Variants in KANK1 observed in about 807,000 individuals in gnomAD.
KANK1 encodes the protein KN motif and ankyrin repeat domain-containing protein 1.
KANK1 carries 109 observed loss-of-function variants against 106.2 expected under a neutral mutation model. The observed-to-expected ratio is 1.03, with a 90% CI of 0.88 to 1.20. KANK1 has a LOEUF of 1.20. KANK1 is among the 50% of genes most tolerant of loss of function. The probability of loss-of-function intolerance (pLI) is 0.00; values close to 1 mark genes in which losing one functional copy is unlikely to be tolerated. For missense variants in KANK1, 2,399 were observed against 1,710.7 expected, an observed-to-expected ratio of 1.40 and a Z score of -7.10; for synonymous variants, 873 against 652.2, an observed-to-expected ratio of 1.34 and a Z score of -5.16.
At chr9:535,593 C>T (rs1477000915) in intron 1 of KANK1, among the ~76,000 whole-genome samples, 3 of 152,172 alleles carry the variant, frequency 2.0e-5, no homozygotes, top group East Asian at 3.9e-4. Flanking sequence ...TTACTCTCAG[C>T]GTGAGATGAA....
chr9:738,562 C>T, intron 8 of KANK1, 58 bp downstream of exon 8: 1 of 1,363,564 alleles, frequency 7.3e-7, no homozygotes, highest in Non-Finnish European at 1.0e-6. Flanking sequence ...TGTGACTCAT[C>T]TCAGAGAACC....
intron 1 of KANK1, among the ~76,000 whole-genome samples, chr9:598,867 G>C (rs1293897006): frequency 6.7e-6 from 1 of 149,828 alleles, no homozygotes; most frequent in East Asian, 1.9e-4. Context: ...CCTGACCTCA[G>C]GTGATCCGCC....
chr9:640,023 G>A (rs1290098264), intron 1 of KANK1, among the ~76,000 whole-genome samples: 1 of 152,122 alleles, frequency 6.6e-6, no homozygotes, highest in East Asian at 1.9e-4. Context: ...TGTAAATCTT[G>A]GGAGACACAA....
intron 1 of KANK1, among the ~76,000 whole-genome samples, chr9:617,474 T>C (rs542115916): frequency 6.6e-6 from 1 of 152,334 alleles, no homozygotes; most frequent in African/African-American, 2.4e-5. Context: ...GTAGTTACTT[T>C]TGCTGTCTGG....
At position 712,683 on chromosome 9, in the gene KANK1, C is replaced by G. The variant is rs1158040055; in HGVS notation, c.1917C>G (p.Val639=). 1.2e-6 allele frequency: 2 copies of G among 1,614,178 alleles called. No homozygotes were observed. Among genetic ancestry groups the G allele is most frequent in the Non-Finnish European group, 1.7e-6 (2 of 1,180,028 alleles). ...GAGATTGTTCTGTTGACGTGACCGT[C>G]TGCTCTCCAAAGGAGTGCGCCTCCC... ...GCGDCSVDVT[V]CSPKECASRG... The change falls in exon 3 of 12, where the codon GTC becomes GTG. Residue 639 remains valine, a synonymous_variant. Coordinates refer to ENST00000382297, the MANE Select transcript of KANK1 (RefSeq NM_015158.5).
rs547802424 is a variant in KANK1 at position 731,277 on chromosome 9, A to G, written c.3005+11A>G. 7 of 1,513,362 alleles carry G rather than the reference A, an allele frequency of 4.6e-6. No individual in the cohort carries two copies. Among genetic ancestry groups the G allele is most frequent in the African/African-American group, 2.7e-5 (2 of 72,884 alleles). 93.7% of individuals were successfully genotyped at this position (1,513,362 alleles called of 1,614,324 possible). A position where few individuals can be genotyped will look rare whatever the true frequency, so the allele number is the denominator to read the frequency against. On this transcript the variant is annotated intron_variant, in intron 5 of 11. Coordinates refer to ENST00000382297, the MANE Select transcript of KANK1 (RefSeq NM_015158.5). ...TGGCATTAATGGAGGGTAAGGAAAG[A>G]TGGTGGTTCTAGAGGCTAATGCTGT...
At chr9:470,829 C>G (rs2058005775) in intron 2 of KANK1, 1 of 152,274 alleles carries the variant, frequency 6.6e-6, no homozygotes, top group South Asian at 2.1e-4. Context: ...AGTTTTTTGT[C>G]TGTGTGTGGG....
At chr9:519,225 C>G (rs927340536) in intron 1 of KANK1, among the ~76,000 whole-genome samples, 1 of 151,698 alleles carries the variant, frequency 6.6e-6, no homozygotes, top group Admixed American at 6.6e-5. Flanking sequence ...ATAATTGTGT[C>G]TTTTCCCCCA....
chr9:506,997 G>C (rs964878023), intron 1 of KANK1, among the ~76,000 whole-genome samples: 1 of 152,194 alleles, frequency 6.6e-6, no homozygotes, highest in Non-Finnish European at 1.5e-5. Flanking sequence ...ATCATTTTTA[G>C]TAAGGAGAGT....
chr9:694,826 G>T (rs1475202), intron 2 of KANK1, among the ~76,000 whole-genome samples: 4 of 151,980 alleles, frequency 2.6e-5, no homozygotes, highest in African/African-American at 9.7e-5. Flanking sequence ...ATGCCAGTTA[G>T]GATGCAGCTG....
In KANK1 at chr9:712,223, C is replaced by T. The variant is rs545105437; in HGVS notation, c.1457C>T (p.Thr486Ile). Reference protein sequence around the residue: ...LRETTHDREMTKLKQELQAAG... With the variant: ...LRETTHDREMIKLKQELQAAG... ...GAAACCACCCATGACCGGGAGATGA[C>T]TAAACTGAAACAAGAGCTGCAGGCT... The change falls in exon 3 of 12, where the codon ACT (threonine) becomes ATT (isoleucine). Residue 486 changes from threonine to isoleucine, a missense_variant. Transcript: ENST00000382297. 12 of 1,614,160 alleles carry T rather than the reference C, an allele frequency of 7.4e-6. No homozygotes were observed. Among genetic ancestry groups the T allele is most frequent in the Non-Finnish European group, 9.3e-6 (11 of 1,180,020 alleles).
chr9:692,715 A>C (rs902434254), intron 2 of KANK1, among the ~76,000 whole-genome samples: 14 of 13,102 alleles, frequency 1.1e-3, no homozygotes, highest in African/African-American at 1.8e-3. Flanking sequence ...TCTGCTTTTG[A>C]AAAAAAAAAA....
At chr9:630,404 A>T (rs2136736111) in intron 1 of KANK1, among the ~76,000 whole-genome samples, 1 of 151,826 alleles carries the variant, frequency 6.6e-6, no homozygotes, top group South Asian at 2.1e-4. Context: ...CAAAAAAATT[A>T]GCCAGGCATG....
At chr9:595,193 T>A (rs1654098995) in intron 1 of KANK1, among the ~76,000 whole-genome samples, 1 of 151,576 alleles carries the variant, frequency 6.6e-6, no homozygotes, top group Admixed American at 6.6e-5. Context: ...GCCAGCAGAT[T>A]GCTTGAGCCC....
intron 1 of KANK1, among the ~76,000 whole-genome samples, chr9:666,756 G>A (rs1844677615): frequency 6.6e-6 from 1 of 152,082 alleles, no homozygotes; most frequent in South Asian, 2.1e-4. Flanking sequence ...ATTTGCATAT[G>A]CTGAACCATC....
At chr9:481,477 C>G (rs558952221) in intron 3 of KANK1, among the ~76,000 whole-genome samples, 24 of 152,156 alleles carry the variant, frequency 1.6e-4, no homozygotes, top group Non-Finnish European at 3.2e-4. Flanking sequence ...AAGAGCCAAA[C>G]ACATTAACCT....
At chr9:512,112 C>G (rs891289235) in intron 1 of KANK1, among the ~76,000 whole-genome samples, 1 of 152,170 alleles carries the variant, frequency 6.6e-6, no homozygotes, top group African/African-American at 2.4e-5. Flanking sequence ...CATTTGTCTT[C>G]ATGGCAACTA....
At chr9:661,532 C>T (rs1410097297) in intron 1 of KANK1, among the ~76,000 whole-genome samples, 1 of 152,088 alleles carries the variant, frequency 6.6e-6, no homozygotes, top group Non-Finnish European at 1.5e-5. Flanking sequence ...CATTGATGGG[C>T]ATTTGGGTTG....
intron 2 of KANK1, among the ~76,000 whole-genome samples, chr9:710,109 C>T (rs1825523694): frequency 6.6e-6 from 1 of 151,902 alleles, no homozygotes; most frequent in Non-Finnish European, 1.5e-5. Flanking sequence ...GTACGGTGTG[C>T]ACTATTTGGG....
Sources: gnomAD v4.1 joint callset for allele counts (sites outside exome capture counted in the v4.1 genomes callset) on GRCh38, gnomAD v4.1.1 for gene constraint, MANE v1.5 for transcripts, NCBI Gene and HGNC (gene_info 2026-07-23, HGNC 2026-07-21) for gene names.